Variants in SEPTIN2 observed in about 807,000 individuals in gnomAD.
SEPTIN2 encodes septin-2.
Under a neutral mutation model 46.5 loss-of-function variants are expected in SEPTIN2, and 34 were observed. That is an observed-to-expected ratio of 0.73 (90% confidence interval 0.56 to 0.97). The LOEUF (loss-of-function observed/expected upper bound fraction) is 0.97. Ranked by LOEUF, SEPTIN2 falls within the 50% of genes least tolerant of loss-of-function variation. The pLI is 0.00. For missense variants in SEPTIN2, 347 were observed against 448.4 expected (o/e 0.77, Z 2.04); for synonymous variants, 175 against 153.4 (o/e 1.14, Z -1.04).
At position 241,337,436 on chromosome 2, in the gene SEPTIN2, C is replaced by T. The variant is rs141594578; in HGVS notation, c.396C>T (p.Asp132=). 9.9e-6 allele frequency: 16 copies of T among 1,613,988 alleles called. No homozygotes were observed. The highest frequency in any genetic ancestry group is 6.6e-5 in the South Asian group (6 of 91,070). The change falls in exon 6 of 13, where the codon GAC becomes GAT. Residue 132 remains aspartate, a synonymous_variant. Coordinates refer to ENST00000391971, the MANE Select transcript of SEPTIN2 (RefSeq NM_004404.5). ...IDEQFERYLH[D]ESGLNRRHII... is the part of the protein sequence containing the mutation. ...AGCAATTTGAGAGGTACCTGCATGACGAGAGCGGCTTGAACAGGCGGCACA... is the reference window on the plus strand; with the variant it reads ...AGCAATTTGAGAGGTACCTGCATGATGAGAGCGGCTTGAACAGGCGGCACA...
chr2:241,334,943 AAATT>A (rs2079677515), intron 3 of SEPTIN2, among the ~76,000 whole-genome samples, 179 bp from the exon 4 acceptor site: 1 of 152,214 alleles, frequency 6.6e-6, no homozygotes, highest in South Asian at 2.1e-4. Context: ...GACCTTGGGC[AAATT>A]AGAGTTTCTT....
In SEPTIN2 at chr2:241,337,248, A is replaced by G; in HGVS notation, c.342-134A>G. On this transcript the variant is annotated intron_variant, in intron 5 of 12. Transcript: ENST00000391971. ...CTTCCATTTGCCAAATCTAAAAGTCAGTCTTCTGTTCTCATCTTGAAAATG... is the reference window on the plus strand; with the variant it reads ...CTTCCATTTGCCAAATCTAAAAGTCGGTCTTCTGTTCTCATCTTGAAAATG... 3.6e-6 allele frequency: 3 copies of G among 832,654 alleles called. No individual in the cohort carries two copies. In the South Asian group the frequency reaches 6.6e-5, roughly 18 times the overall value. The allele number at this position is 832,654 out of a possible 1,614,324, so 51.6% of individuals were successfully genotyped here.
chr2:241,339,362 G>A (rs1023369616), intron 7 of SEPTIN2, among the ~76,000 whole-genome samples: 1 of 148,662 alleles, frequency 6.7e-6, no homozygotes, highest in Admixed American at 6.8e-5. Flanking sequence ...GACAGAGCAA[G>A]ACTCCGTCTC....
intron 7 of SEPTIN2, 41 bp from the exon 8 acceptor site, chr2:241,342,951 G>A (rs774362684): frequency 1.8e-5 from 19 of 1,055,778 alleles, no homozygotes; most frequent in Middle Eastern, 2.0e-4. Flanking sequence ...AATAACATAC[G>A]CAGTTTGCTA....
chr2:241,316,575 G>T lies in SEPTIN2; in HGVS notation c.-18+593G>T, dbSNP rs7580090. ...AGCGAGGCACGGACAGGCAGCAGGG[G>T]GTAGGGTATAGGGTTGGAGGCCGCC... On this transcript the variant is annotated intron_variant, in intron 1 of 12. Transcript: ENST00000391971. 2.4e-4 allele frequency: 368 copies of T among 1,503,152 alleles called. 3 individuals are homozygous for T. The African/African-American group carries it at 3.4e-3, about 14-fold the overall frequency. The allele number at this position is 1,503,152 out of a possible 1,614,324, so 93.1% of individuals were successfully genotyped here. A position where few individuals can be genotyped will look rare whatever the true frequency, so the allele number is the denominator to read the frequency against.
intron 3 of SEPTIN2, among the ~76,000 whole-genome samples, chr2:241,334,196 T>C (rs2079518536): frequency 6.6e-6 from 1 of 152,046 alleles, no homozygotes; most frequent in African/African-American, 2.4e-5. Flanking sequence ...TCAAAAGAGA[T>C]GTGTACTCCT....
At chr2:241,331,954 G>A (rs902337419) in intron 3 of SEPTIN2, among the ~76,000 whole-genome samples, 3 of 152,112 alleles carry the variant, frequency 2.0e-5, no homozygotes, top group East Asian at 1.9e-4. Context: ...TGAGAAAAAA[G>A]CCAAGTTGAT....
At position 241,326,032 on chromosome 2, in the gene SEPTIN2, T is replaced by C; in HGVS notation, c.49T>C (p.Tyr17His). Residue 17 changes from tyrosine (Y) to histidine (H), a missense_variant, in exon 3 of 13, where the codon TAT becomes CAT. Physicochemically the swap from Tyr to His is moderately conservative, Grantham distance 83. Coordinates refer to ENST00000391971, the MANE Select transcript of SEPTIN2 (RefSeq NM_004404.5). Reference protein sequence around the residue: ...TQFINPETPGYVGFANLPNQV... With the variant: ...TQFINPETPGHVGFANLPNQV... Reference sequence around the variant, plus strand: ...GTTTATAAATCCAGAAACACCTGGCTATGTTGGATTTGCAAACCTCCCCAA... The same window carrying C: ...GTTTATAAATCCAGAAACACCTGGCCATGTTGGATTTGCAAACCTCCCCAA... The C allele has an allele frequency of 1.2e-6, 2 of 1,613,894 alleles. No homozygotes were observed. The highest frequency in any genetic ancestry group is 1.7e-6 in the Non-Finnish European group (2 of 1,179,852).
intron 12 of SEPTIN2, among the ~76,000 whole-genome samples, chr2:241,351,073 TAGA>T (rs2060747253): frequency 6.6e-6 from 1 of 152,154 alleles, no homozygotes. Flanking sequence ...GGGAATTTGG[TAGA>T]AGGTCTCTAC....
chr2:241,327,342 A>G (rs1415777630), intron 3 of SEPTIN2, among the ~76,000 whole-genome samples: 1 of 152,066 alleles, frequency 6.6e-6, no homozygotes, highest in African/African-American at 2.4e-5. Context: ...AGAAATTTTC[A>G]TGATAAGCCT....
intron 7 of SEPTIN2, among the ~76,000 whole-genome samples, chr2:241,340,149 C>T (rs1225913136): frequency 1.3e-5 from 2 of 152,168 alleles, no homozygotes; most frequent in African/African-American, 4.8e-5. Flanking sequence ...CTCTCCACCC[C>T]CTAAAACTGT....
At chr2:241,343,723 GC>G (rs2081582430) in intron 8 of SEPTIN2, 28 bp from the exon 9 acceptor site, 3 of 1,613,258 alleles carry the variant, frequency 1.9e-6, no homozygotes, top group African/African-American at 2.7e-5. Flanking sequence ...CCTGTGTGGA[GC>G]CTGTCTACTC....
At chr2:241,334,537 A>ATAT (rs1491520944) in intron 3 of SEPTIN2, among the ~76,000 whole-genome samples, 1 of 152,170 alleles carries the variant, frequency 6.6e-6, no homozygotes, top group African/African-American at 2.4e-5. Flanking sequence ...GTTGCCCGAC[A>ATAT]TATGACAGTT....
intron 5 of SEPTIN2, 32 bp from the exon 6 acceptor site, chr2:241,337,350 A>G (rs772640321): frequency 3.1e-6 from 5 of 1,601,526 alleles, no homozygotes; most frequent in South Asian, 2.2e-5. Context: ...TTTATACCCT[A>G]TGATTATTGT....
At chr2:241,325,636 A>G (rs1471549819) in intron 2 of SEPTIN2, among the ~76,000 whole-genome samples, 1 of 152,208 alleles carries the variant, frequency 6.6e-6, no homozygotes, top group African/African-American at 2.4e-5. Context: ...TGTAAGCTTG[A>G]CTGATTTTCC....
rs1386691478 is a variant in SEPTIN2 at position 241,348,123 on chromosome 2, T to A, written c.927-11T>A. 6.2e-7 allele frequency: 1 copy of A among 1,609,286 alleles called. No homozygotes were observed. Among genetic ancestry groups the A allele is most frequent in the Admixed American group, 1.7e-5 (1 of 59,324 alleles). ...TGCAGTGTTATGATTCTGATTTCTT[T>A]CGATTCTTAGGAAAGTGGAGAATGA... On this transcript the variant is annotated splice_polypyrimidine_tract_variant and intron_variant, in intron 10 of 12. Transcript: ENST00000391971.
intron 12 of SEPTIN2, chr2:241,351,536 T>C (rs1484188351): frequency 1.3e-5 from 2 of 152,104 alleles, no homozygotes; most frequent in Non-Finnish European, 2.9e-5. Context: ...GATGGTGCCA[T>C]GACTTTTAAA....
At chr2:241,318,283 CTA>C (rs1559583618) in intron 1 of SEPTIN2, 1 of 152,256 alleles carries the variant, frequency 6.6e-6, no homozygotes, top group African/African-American at 2.4e-5. Flanking sequence ...GAGAGGTGCT[CTA>C]TGGTATTTCT....
chr2:241,331,259 T>C (rs1299751061), intron 3 of SEPTIN2, among the ~76,000 whole-genome samples: 3 of 152,260 alleles, frequency 2.0e-5, no homozygotes, highest in Non-Finnish European at 4.4e-5. Context: ...CAAAAAATAT[T>C]GTTCAGAGAT....
Sources: allele counts gnomAD v4.1 joint callset (sites outside exome capture counted in the v4.1 genomes callset), GRCh38; gene constraint gnomAD v4.1.1; transcripts MANE v1.5; gene names NCBI Gene and HGNC (gene_info 2026-07-23, HGNC 2026-07-21).